ACER3: variants seen among roughly 807,000 people sequenced by gnomAD.
ACER3 encodes alkCDase 3.
In ACER3, 16 loss-of-function variants were observed where a neutral mutation model predicts 48.9. The observed-to-expected ratio is 0.33, with a 90% CI of 0.22 to 0.50. The LOEUF (loss-of-function observed/expected upper bound fraction) is 0.50. Ranked by LOEUF, ACER3 falls within the 20% of genes least tolerant of loss-of-function variation. The pLI, the probability that ACER3 is intolerant of heterozygous loss-of-function variation, is 0.98. For missense variants in ACER3, 227 were observed against 326.0 expected, an observed-to-expected ratio of 0.70 and a Z score of 2.34; for synonymous variants, 109 against 107.8, an observed-to-expected ratio of 1.01 and a Z score of -0.07.
intron 2 of ACER3, among the ~76,000 whole-genome samples, chr11:76,945,108 A>G (rs1947440217): frequency 6.6e-6 from 1 of 150,576 alleles, no homozygotes; most frequent in Admixed American, 6.6e-5. Context: ...TTTCTCATTT[A>G]TATCCTGAAT....
At chr11:76,941,965 A>G (rs1461083473) in intron 2 of ACER3, among the ~76,000 whole-genome samples, 1 of 151,946 alleles carries the variant, frequency 6.6e-6, no homozygotes, top group Non-Finnish European at 1.5e-5. Flanking sequence ...TGGCCCTCCA[A>G]TAGATCATTG....
chr11:76,929,245 T>C (rs983402894), intron 2 of ACER3, among the ~76,000 whole-genome samples: 1 of 152,212 alleles, frequency 6.6e-6, no homozygotes, highest in African/African-American at 2.4e-5. Context: ...AGTTCACTTA[T>C]GATTTGGCTC....
At chr11:76,893,480 T>C (rs1945857207) in intron 1 of ACER3, among the ~76,000 whole-genome samples, 1 of 152,232 alleles carries the variant, frequency 6.6e-6, no homozygotes, top group Non-Finnish European at 1.5e-5. Flanking sequence ...TTATACAAAC[T>C]ACTTAATTTT....
intron 2 of ACER3, among the ~76,000 whole-genome samples, chr11:76,953,352 G>A (rs1362397598): frequency 2.6e-5 from 4 of 151,966 alleles, no homozygotes; most frequent in Admixed American, 6.6e-5. Flanking sequence ...TAATCCCAGC[G>A]CTTTGGGAGG....
chr11:76,989,890 A>G (rs910058056), intron 5 of ACER3, among the ~76,000 whole-genome samples: 8 of 152,208 alleles, frequency 5.3e-5, no homozygotes, highest in Non-Finnish European at 1.0e-4. Context: ...AATCATCCAC[A>G]TGACATTGGA....
At chr11:76,868,398 T>TGC (rs1203143877) in intron 1 of ACER3, 8 of 398,846 alleles carry the variant, frequency 2.0e-5, no homozygotes, top group African/African-American at 1.6e-4. Context: ...TCTCTGTGTG[T>TGC]GTGTGTGTGT....
chr11:76,955,966 A>C (rs1324106309), intron 2 of ACER3, among the ~76,000 whole-genome samples: 1 of 152,236 alleles, frequency 6.6e-6, no homozygotes, highest in African/African-American at 2.4e-5. Context: ...ATGATGTATG[A>C]TTCCACTTAG....
rs1555025169 is a variant in ACER3, at chr11:77,024,223, T to C, written c.*3896T>C. 1.5e-5 allele frequency: 2 copies of C among 137,736 alleles called. No individual in the cohort carries two copies. The highest frequency in any genetic ancestry group is 5.1e-5 in the African/African-American group (2 of 38,994). 8.5% of individuals were successfully genotyped at this position (137,736 alleles called of 1,614,324 possible). On this transcript the variant is annotated 3_prime_UTR_variant, in exon 11 of 11. Coordinates refer to ENST00000532485, the MANE Select transcript of ACER3 (RefSeq NM_018367.7). Reference sequence around the variant, plus strand: ...GACTGGAAATTTTCAATACTGTCTTTTAACTGTTGTACTCCAGCCAGCCTG... The same window carrying C: ...GACTGGAAATTTTCAATACTGTCTTCTAACTGTTGTACTCCAGCCAGCCTG...
intron 3 of ACER3, among the ~76,000 whole-genome samples, chr11:76,974,007 C>G (rs1948374373): frequency 6.6e-6 from 1 of 152,292 alleles, no homozygotes; most frequent in Non-Finnish European, 1.5e-5. Flanking sequence ...GTTGTCTTAG[C>G]ACTCTTATTG....
chr11:76,866,649 G>A (rs1945096762), intron 1 of ACER3, among the ~76,000 whole-genome samples: 1 of 152,190 alleles, frequency 6.6e-6, no homozygotes, highest in Admixed American at 6.5e-5. Flanking sequence ...CCTGCAAAGT[G>A]AAGACTGTAT....
intron 7 of ACER3, among the ~76,000 whole-genome samples, chr11:77,009,769 C>T (rs1949223545): frequency 6.6e-6 from 1 of 152,074 alleles, no homozygotes; most frequent in Non-Finnish European, 1.5e-5. Context: ...CATTATCACA[C>T]CACTGCACTC....
chr11:77,007,188 T>C (rs1949169663), intron 7 of ACER3, among the ~76,000 whole-genome samples: 2 of 152,080 alleles, frequency 1.3e-5, no homozygotes. Context: ...GTGTTTGTTG[T>C]TTTTAGTTAG....
chr11:77,004,404 C>T (rs985194870), intron 7 of ACER3, among the ~76,000 whole-genome samples: 2 of 152,194 alleles, frequency 1.3e-5, no homozygotes, highest in Admixed American at 1.3e-4. Flanking sequence ...AGTGTTTGTG[C>T]CCCAAGTCCA....
At chr11:77,015,805 A>G (rs2135326262) in intron 8 of ACER3, among the ~76,000 whole-genome samples, 1 of 152,290 alleles carries the variant, frequency 6.6e-6, no homozygotes. Context: ...GGTCTCTTCG[A>G]CAAATAAATT....
chr11:76,923,687 G>A (rs1054638282), intron 1 of ACER3, among the ~76,000 whole-genome samples: 2 of 152,158 alleles, frequency 1.3e-5, no homozygotes, highest in African/African-American at 4.8e-5. Flanking sequence ...TTTGTTAGGT[G>A]TGTCTGGAAC....
intron 2 of ACER3, among the ~76,000 whole-genome samples, chr11:76,947,033 CTCTT>C (rs1565193037): frequency 6.6e-6 from 1 of 152,214 alleles, no homozygotes; most frequent in African/African-American, 2.4e-5. Flanking sequence ...CTTGAACCCT[CTCTT>C]TATTCACTTT....
chr11:76,923,148 T>C (rs1199910248), intron 1 of ACER3, among the ~76,000 whole-genome samples: 3 of 94,126 alleles, frequency 3.2e-5, no homozygotes, highest in Non-Finnish European at 9.6e-5. Context: ...AGAAGCAAAA[T>C]TAAAAAAAAA....
At chr11:76,912,906 G>C (rs1029519928) in intron 1 of ACER3, among the ~76,000 whole-genome samples, 1 of 152,062 alleles carries the variant, frequency 6.6e-6, no homozygotes, top group East Asian at 1.9e-4. Context: ...GAAAGAATTC[G>C]ACTGAGGGCC....
chr11:76,975,183 A>G (rs753942278), intron 3 of ACER3, among the ~76,000 whole-genome samples: 11 of 152,096 alleles, frequency 7.2e-5, no homozygotes, highest in Non-Finnish European at 1.6e-4. Context: ...CTTACTCTAT[A>G]TTTAATCATG....
Sources: allele counts gnomAD v4.1 joint callset (sites outside exome capture counted in the v4.1 genomes callset), GRCh38; gene constraint gnomAD v4.1.1; transcripts MANE v1.5; gene names NCBI Gene and HGNC (gene_info 2026-07-23, HGNC 2026-07-21).